Variants in PDE6C observed in about 807,000 individuals in gnomAD.
PDE6C encodes cone cGMP-specific 3',5'-cyclic phosphodiesterase subunit alpha'.
PDE6C carries 75 observed loss-of-function variants against 113.1 expected under a neutral mutation model. The observed-to-expected ratio is 0.66, with a 90% CI of 0.55 to 0.80. The LOEUF is 0.80. Among genes scored for constraint, PDE6C ranks in the 30% least tolerant of loss-of-function variants. The pLI, the probability that PDE6C is intolerant of heterozygous loss-of-function variation, is 0.00. For missense variants in PDE6C, 912 were observed against 1,038.6 expected (o/e 0.88, Z 1.67); for synonymous variants, 375 against 363.7 (o/e 1.03, Z -0.35).
intron 3 of PDE6C, among the ~76,000 whole-genome samples, chr10:93,621,436 G>A (rs1564796232): frequency 6.6e-6 from 1 of 152,138 alleles, no homozygotes; most frequent in Non-Finnish European, 1.5e-5. Context: ...CCTAGGTCTG[G>A]CCCACTCTCT....
chr10:93,623,086 A>G (rs965526932), intron 4 of PDE6C, among the ~76,000 whole-genome samples: 2 of 152,210 alleles, frequency 1.3e-5, no homozygotes, highest in African/African-American at 4.8e-5. Context: ...TTGCATGTCT[A>G]CCAGATGCAC....
At chr10:93,636,129 C>G (rs1297248874) in intron 10 of PDE6C, among the ~76,000 whole-genome samples, 1 of 152,122 alleles carries the variant, frequency 6.6e-6, no homozygotes, top group African/African-American at 2.4e-5. Context: ...GATAGATGTC[C>G]TTCTCACAAA....
intron 1 of PDE6C, among the ~76,000 whole-genome samples, chr10:93,618,673 T>G (rs2058431463): frequency 6.6e-6 from 1 of 152,240 alleles, no homozygotes; most frequent in South Asian, 2.1e-4. Flanking sequence ...AAGAATTACC[T>G]GGGCCACGTA....
intron 8 of PDE6C, among the ~76,000 whole-genome samples, chr10:93,631,754 G>A (rs1490836226): frequency 4.6e-5 from 7 of 152,098 alleles, no homozygotes; most frequent in Non-Finnish European, 1.0e-4. Flanking sequence ...ATTCCTTTTT[G>A]CACCTGAGAA....
At chr10:93,621,071 T>G in intron 3 of PDE6C, 91 bp downstream of exon 3, 1 of 1,060,340 alleles carries the variant, frequency 9.4e-7, no homozygotes, top group Non-Finnish European at 1.5e-6. Flanking sequence ...CTATTCCTCC[T>G]GGGGGTGTAA....
At chr10:93,618,804 C>A (rs1287319172) in intron 1 of PDE6C, among the ~76,000 whole-genome samples, 3 of 152,184 alleles carry the variant, frequency 2.0e-5, no homozygotes, top group Non-Finnish European at 4.4e-5. Context: ...GTTCTATTGG[C>A]CAACCAGCCC....
At chr10:93,624,499 A>G (rs2134597407) in intron 4 of PDE6C, among the ~76,000 whole-genome samples, 1 of 152,254 alleles carries the variant, frequency 6.6e-6, no homozygotes, top group East Asian at 1.9e-4. Context: ...TGGCCTCTCA[A>G]AGTGCTGGGA....
chr10:93,654,654 C>T (rs1446113769), intron 15 of PDE6C, among the ~76,000 whole-genome samples: 1 of 152,020 alleles, frequency 6.6e-6, no homozygotes, highest in Non-Finnish European at 1.5e-5. Flanking sequence ...ATTCATTTGG[C>T]AAAATCACTA....
Position 93,640,190 on chromosome 10 carries a change from G to A in PDE6C, c.1603G>A (p.Val535Met), listed in dbSNP as rs758761057. 5 of 1,613,266 alleles carry A rather than the reference G, an allele frequency of 3.1e-6. No homozygotes were observed. The Admixed American group carries it at 6.7e-5, about 22-fold the overall frequency. The change falls in exon 12 of 22, where the codon GTG (valine) becomes ATG (methionine). Residue 535 changes from valine to methionine, a missense_variant. Transcript: ENST00000371447. ...GIRLFFEINV[V>M]EKFKVPVEVL... ...ACGACTGTTTTTTGAAATAAATGTG[G>A]TGGAGAAATTCAAAGTACCTGTAGA... is the stretch of plus-strand genomic sequence containing the variant.
chr10:93,633,750 T>C (rs2058514509), intron 8 of PDE6C, among the ~76,000 whole-genome samples: 1 of 152,130 alleles, frequency 6.6e-6, no homozygotes, highest in Non-Finnish European at 1.5e-5. Flanking sequence ...ACCACACTAG[T>C]ATTTTAACGG....
At chr10:93,644,280 G>A (rs76577151) in intron 14 of PDE6C, among the ~76,000 whole-genome samples, 12 of 152,244 alleles carry the variant, frequency 7.9e-5, no homozygotes, top group Middle Eastern at 3.4e-3. Flanking sequence ...TAAGTAATAC[G>A]TGAAACGTTA....
rs1300930111 is a variant in PDE6C at position 93,640,098 on chromosome 10, C to A, written c.1511C>A (p.Ala504Glu). ...LKEDLPDPRSAELYEFRFSDF... is the reference protein window; with the variant it reads ...LKEDLPDPRSEELYEFRFSDF... ...GAGGACTTGCCAGACCCACGCTCAG[C>A]AGAACTGTACGAATTCCGCTTCAGT... The change falls in exon 12 of 22, where the codon GCA becomes GAA. Residue 504 changes from alanine to glutamate, a missense_variant. Ala to Glu is a moderately radical substitution (Grantham distance 107, BLOSUM62 -1). Transcript: ENST00000371447. 6.2e-7 allele frequency: 1 copy of A among 1,614,082 alleles called. No individual in the cohort carries two copies. The highest frequency in any genetic ancestry group is 2.2e-5 in the East Asian group (1 of 44,888).
intron 21 of PDE6C, among the ~76,000 whole-genome samples, chr10:93,664,465 T>C (rs186499728): frequency 9.2e-5 from 14 of 152,340 alleles, no homozygotes; most frequent in African/African-American, 3.4e-4. Context: ...CCAGATACTG[T>C]ATTGCCTTGA....
At chr10:93,621,181 A>G (rs1589693203) in intron 3 of PDE6C, among the ~76,000 whole-genome samples, 1 of 151,920 alleles carries the variant, frequency 6.6e-6, no homozygotes, top group Non-Finnish European at 1.5e-5. Context: ...AAGCTCTCCA[A>G]TTGTGTACAC....
At chr10:93,642,738 T>C (rs567022093) in intron 14 of PDE6C, among the ~76,000 whole-genome samples, 4 of 152,234 alleles carry the variant, frequency 2.6e-5, no homozygotes, top group African/African-American at 9.6e-5. Flanking sequence ...TGAAATTACA[T>C]ATGTGAAACC....
rs1228827304 is a variant in PDE6C, at chr10:93,640,222, AG to A, written c.1629+9del. 1.9e-6 allele frequency: 3 copies of A among 1,610,882 alleles called. No individual in the cohort carries two copies. Among genetic ancestry groups the A allele is most frequent in the East Asian group, 4.5e-5 (2 of 44,886 alleles). ...AATTCAAAGTACCTGTAGAGGTCAG[AG>A]GGTATTTAATTTAAAATACTGTGTG... On this transcript the variant is annotated splice_region_variant and intron_variant, in intron 12 of 21. Coordinates refer to ENST00000371447, the MANE Select transcript of PDE6C (RefSeq NM_006204.4).
chr10:93,664,017 A>G (rs533945279), intron 21 of PDE6C, among the ~76,000 whole-genome samples: 1 of 152,140 alleles, frequency 6.6e-6, no homozygotes, highest in Non-Finnish European at 1.5e-5. Flanking sequence ...AGGAGAAAAT[A>G]TTTTTCTTAA....
At chr10:93,659,840 C>T (rs1040112993) in intron 18 of PDE6C, among the ~76,000 whole-genome samples, 11 of 152,162 alleles carry the variant, frequency 7.2e-5, no homozygotes, top group African/African-American at 2.7e-4. Flanking sequence ...CAGGATGCAT[C>T]GTTAGTGTTT....
chr10:93,642,147 C>T (rs537980926), intron 14 of PDE6C, among the ~76,000 whole-genome samples: 2 of 152,234 alleles, frequency 1.3e-5, no homozygotes, highest in South Asian at 4.1e-4. Flanking sequence ...GGGCAGATCA[C>T]GAGGTCAGGA....
Sources: gnomAD v4.1 joint callset for allele counts (sites outside exome capture counted in the v4.1 genomes callset) on GRCh38, gnomAD v4.1.1 for gene constraint, MANE v1.5 for transcripts, NCBI Gene and HGNC (gene_info 2026-07-23, HGNC 2026-07-21) for gene names.